Variants in NTRK3 observed in about 807,000 individuals in gnomAD.
NTRK3 encodes NT-3 growth factor receptor.
A neutral mutation model predicts 91.7 loss-of-function variants in NTRK3; 24 were observed. That is an observed-to-expected ratio of 0.26 (90% CI 0.19 to 0.37). The LOEUF is 0.37. Ranked by LOEUF, NTRK3 falls within the 10% of genes least tolerant of loss-of-function variation. The probability of loss-of-function intolerance (pLI) is 1.00; values close to 1 mark genes in which losing one functional copy is unlikely to be tolerated. For missense variants in NTRK3, 880 were observed against 1,068.9 expected (o/e 0.82, Z 2.46); for synonymous variants, 483 against 404.0 (o/e 1.20, Z -2.34).
In NTRK3 at chr15:88,243,536, G is replaced by GCACACACACACACA. The variant is rs4034771; in HGVS notation, c.248+12356_248+12369dup. Reference sequence around the variant, plus strand: ...CACTTGATCCCATCCCCCATAGCATGCACACACACACACACACACACACAC... The same window carrying GCACACACACACACA: ...CACTTGATCCCATCCCCCATAGCATGCACACACACACACACACACACACACACACACACACACAC... On this transcript the variant is annotated intron_variant, in intron 3 of 18. Transcript: ENST00000394480. The surrounding 1 kb of genome is among the most constrained non-coding windows in gnomAD (Gnocchi z 4.8). Among the ~76,000 whole-genome samples the GCACACACACACACA allele has an allele frequency of 3.4e-5, 5 of 145,878 alleles. No homozygotes were observed. The highest frequency in any genetic ancestry group is 1.3e-4 in the African/African-American group (5 of 38,384).
chr15:88,025,341 T>C (rs1233718396), intron 14 of NTRK3, among the ~76,000 whole-genome samples: 1 of 152,252 alleles, frequency 6.6e-6, no homozygotes, highest in Non-Finnish European at 1.5e-5. Context: ...TTATTTATAA[T>C]TGCCCAAAAG....
intron 3 of NTRK3, among the ~76,000 whole-genome samples, chr15:88,229,792 C>T (rs1012587648): frequency 1.3e-5 from 2 of 152,234 alleles, no homozygotes; most frequent in Non-Finnish European, 2.9e-5. Flanking sequence ...ATTTTATCTA[C>T]TTCCCCACAT....
chr15:87,894,194 G>C (rs2065987760), intron 17 of NTRK3, among the ~76,000 whole-genome samples: 1 of 152,168 alleles, frequency 6.6e-6, no homozygotes, highest in Non-Finnish European at 1.5e-5. Context: ...AGTGGCCTTG[G>C]CCTGTTCCAC....
chr15:88,220,561 G>A lies in NTRK3; in HGVS notation c.248+35345C>T, dbSNP rs16941473. ...AGCAAGGTCCACTGTGTGAGTTGGT[G>A]AGAATGAAATGGGTCAGAGATGAGA... On this transcript the variant is annotated intron_variant, in intron 3 of 18. Coordinates refer to ENST00000394480, the Ensembl canonical transcript of NTRK3. 0.013 allele frequency among the ~76,000 whole-genome samples: 1,966 copies of A among 152,320 alleles called. 97 individuals carry two copies. In the South Asian group the frequency reaches 0.13, roughly 10 times the overall value.
At chr15:88,252,444 T>G (rs1598193956) in intron 3 of NTRK3, 1 of 152,102 alleles carries the variant, frequency 6.6e-6, no homozygotes, top group African/African-American at 2.4e-5. Flanking sequence ...CGGCTCAGAG[T>G]GAGACCCAGC....
chr15:88,072,688 G>A (rs555154625), intron 13 of NTRK3: 19 of 232,728 alleles, frequency 8.2e-5, no homozygotes, highest in Middle Eastern at 2.6e-3. Context: ...CAGGGAAGTT[G>A]TACCAAGAGG....
At chr15:88,149,841 G>A (rs1313842773) in intron 5 of NTRK3, among the ~76,000 whole-genome samples, 1 of 152,200 alleles carries the variant, frequency 6.6e-6, no homozygotes, top group Non-Finnish European at 1.5e-5. Context: ...GCCTTTATGA[G>A]GTTTTATTAA....
At position 88,173,789 on chromosome 15, in the gene NTRK3, C is replaced by T. The variant is rs545377420; in HGVS notation, c.395+9629G>A. ...CAAGGCTGACCAGAGTTGGCCTTGG[C>T]CAAGAGATGGTAGAGTGGAGGCTCT... On this transcript the variant is annotated intron_variant, in intron 5 of 18. Transcript: ENST00000394480. Among the ~76,000 whole-genome samples, 22 of 152,340 alleles carry T rather than the reference C, an allele frequency of 1.4e-4. No individual in the cohort carries two copies. The South Asian group carries it at 4.6e-3, about 32-fold the overall frequency.
intron 17 of NTRK3, chr15:87,925,771 G>A (rs1336771655): frequency 5.7e-6 from 1 of 176,778 alleles, no homozygotes; most frequent in Non-Finnish European, 1.2e-5. Context: ...ATTTTCCTGA[G>A]GTGGTCAATG....
rs2053963295 is a variant in NTRK3 at position 88,255,645 on chromosome 15, C to T, written c.248+261G>A. On this transcript the variant is annotated intron_variant, in intron 3 of 18. Transcript: ENST00000394480. The surrounding 1 kb of genome is among the most constrained non-coding windows in gnomAD (Gnocchi z 4.3). The stretch of plus-strand genomic sequence containing the variant: ...TTGGGAGGCGGGCGGTAGCTGGGCC[C>T]CGCGTGCCCTCGGCGGCCGGGGTCC... Among the ~76,000 whole-genome samples, 1 of 152,152 alleles carries T rather than the reference C, an allele frequency of 6.6e-6. No individual in the cohort carries two copies. Among genetic ancestry groups the T allele is most frequent in the Non-Finnish European group, 1.5e-5 (1 of 68,012 alleles).
At chr15:88,214,523 C>T (rs1041525566) in intron 3 of NTRK3, among the ~76,000 whole-genome samples, 8 of 152,156 alleles carry the variant, frequency 5.3e-5, no homozygotes, top group African/African-American at 1.2e-4. Context: ...ATTTCCAACA[C>T]AGCCACATTC....
At chr15:88,092,567 T>C (rs940512635) in intron 13 of NTRK3, among the ~76,000 whole-genome samples, 1 of 152,188 alleles carries the variant, frequency 6.6e-6, no homozygotes, top group African/African-American at 2.4e-5. Flanking sequence ...TGAAGGTGTG[T>C]CCATTTCTTA....
At chr15:88,053,734 C>T (rs902883228) in intron 13 of NTRK3, among the ~76,000 whole-genome samples, 7 of 152,190 alleles carry the variant, frequency 4.6e-5, no homozygotes, top group African/African-American at 1.7e-4. Context: ...GTGTAAAATA[C>T]TTAGCACAGT....
intron 14 of NTRK3, among the ~76,000 whole-genome samples, chr15:88,000,086 G>A (rs150136423): frequency 7.9e-4 from 121 of 152,250 alleles, no homozygotes; most frequent in African/African-American, 2.7e-3. Context: ...AAATGTGTAG[G>A]GGTGTATATA....
At chr15:88,114,260 T>C (rs1005627863) in intron 13 of NTRK3, among the ~76,000 whole-genome samples, 2 of 152,098 alleles carry the variant, frequency 1.3e-5, no homozygotes, top group African/African-American at 4.8e-5. Context: ...TTTTTAAGGT[T>C]CAATACAGAA....
chr15:87,891,860 G>T (rs984428557), intron 17 of NTRK3, among the ~76,000 whole-genome samples: 3 of 152,036 alleles, frequency 2.0e-5, no homozygotes, highest in East Asian at 3.9e-4. Context: ...ATGGGATGAG[G>T]TCTAGAATTT....
chr15:88,186,078 C>T (rs1474616910), intron 3 of NTRK3, among the ~76,000 whole-genome samples: 1 of 152,152 alleles, frequency 6.6e-6, no homozygotes, highest in Non-Finnish European at 1.5e-5. Flanking sequence ...AAAGAAAGCG[C>T]CAGAGGAGTA....
At chr15:88,227,888 C>T (rs2050819253) in intron 3 of NTRK3, among the ~76,000 whole-genome samples, 1 of 152,126 alleles carries the variant, frequency 6.6e-6, no homozygotes, top group African/African-American at 2.4e-5. Context: ...GTCCTTTCTC[C>T]TTACTCCTGT....
At chr15:87,904,795 C>A (rs1247130016) in intron 17 of NTRK3, among the ~76,000 whole-genome samples, 4 of 152,162 alleles carry the variant, frequency 2.6e-5, no homozygotes, top group African/African-American at 9.7e-5. Flanking sequence ...CCCTGATTCC[C>A]AGCTGGGACT....
Sources: allele counts gnomAD v4.1 joint callset (sites outside exome capture counted in the v4.1 genomes callset), GRCh38; gene constraint gnomAD v4.1.1; non-coding constraint Gnocchi (gnomAD v3.1); transcripts MANE v1.5; gene names NCBI Gene and HGNC (gene_info 2026-07-23, HGNC 2026-07-21).